Variants in UGT1A9 observed in about 807,000 individuals in gnomAD.
UGT1A9 encodes UDP-glucuronosyltransferase 1A9.
In UGT1A9, 35 loss-of-function variants were observed where a neutral mutation model predicts 45.0. The observed-to-expected ratio is 0.78, with a 90% CI of 0.59 to 1.03. The LOEUF (loss-of-function observed/expected upper bound fraction) is 1.03. Among genes scored for constraint, UGT1A9 ranks in the 50% least tolerant of loss-of-function variants. The pLI is 0.00. For synonymous variants in UGT1A9, 278 were observed against 250.6 expected, an observed-to-expected ratio of 1.11 and a Z score of -1.03; for missense variants, 687 against 666.6, an observed-to-expected ratio of 1.03 and a Z score of -0.34.
chr2:233,682,806 C>T (rs2074601597), intron 1 of UGT1A9: 10 of 1,594,636 alleles, frequency 6.3e-6, no homozygotes, highest in Non-Finnish European at 8.6e-6. Flanking sequence ...AGTTATCTCC[C>T]CTTTAGCACA....
chr2:233,765,063 G>A (rs1333981989), intron 1 of UGT1A9, among the ~76,000 whole-genome samples: 3 of 152,054 alleles, frequency 2.0e-5, no homozygotes, highest in Non-Finnish European at 4.4e-5. Flanking sequence ...CCCTGTCAGA[G>A]GTCTCCTGTG....
chr2:233,754,001 T>G (rs1457314312), intron 1 of UGT1A9, among the ~76,000 whole-genome samples: 1 of 152,230 alleles, frequency 6.6e-6, no homozygotes, highest in Non-Finnish European at 1.5e-5. Context: ...GTTTGGGTAA[T>G]TTGTTACAGC....
At chr2:233,713,441 A>G in intron 1 of UGT1A9, 1 of 1,614,120 alleles carries the variant, frequency 6.2e-7, no homozygotes, top group Non-Finnish European at 8.5e-7. Flanking sequence ...ATGTGGTTCT[A>G]ACAGACCCCT....
intron 1 of UGT1A9, among the ~76,000 whole-genome samples, chr2:233,717,585 G>A (rs1198463102): frequency 2.6e-5 from 4 of 152,254 alleles, no homozygotes; most frequent in Admixed American, 6.5e-5. Context: ...AGACACAGAG[G>A]TAGTGAGATG....
intron 1 of UGT1A9, chr2:233,743,973 G>C (rs1575662575): frequency 7.6e-7 from 1 of 1,312,160 alleles, no homozygotes; most frequent in East Asian, 4.7e-5. Flanking sequence ...AAGGCTGCCA[G>C]CACCCAGGCG....
At chr2:233,737,834 G>C (rs1690605119) in intron 1 of UGT1A9, among the ~76,000 whole-genome samples, 1 of 151,982 alleles carries the variant, frequency 6.6e-6, no homozygotes, top group Admixed American at 6.5e-5. Context: ...ATTGGGAACT[G>C]TGGCACAGGT....
At position 233,672,271 on chromosome 2, in the gene UGT1A9, T is replaced by C. The variant is rs370692027; in HGVS notation, c.337T>C (p.Tyr113His). The C allele has an allele frequency of 5.0e-5, 80 of 1,613,996 alleles. 1 individual carries two copies. The highest frequency in any genetic ancestry group is 6.4e-5 in the Non-Finnish European group (76 of 1,179,994). The change falls in exon 1 of 5, where the codon TAC becomes CAC. Residue 113 changes from tyrosine to histidine, a missense_variant. Transcript: ENST00000354728. ...RSIYSLLMGS[Y>H]NDIFDLFFSN... ...TATATATTCTCTATTAATGGGTTCA[T>C]ACAATGACATTTTTGACTTATTTTT...
chr2:233,690,599 A>G, intron 1 of UGT1A9: 1 of 1,289,594 alleles, frequency 7.8e-7, no homozygotes. Flanking sequence ...AAAAAAAAAA[A>G]ATCGGCCTTT....
At chr2:233,761,114 G>A (rs570314042) in intron 1 of UGT1A9, 1 of 1,614,204 alleles carries the variant, frequency 6.2e-7, no homozygotes, top group South Asian at 1.1e-5. Context: ...GTTTTTGTTG[G>A]TGGAATCAAC....
At chr2:233,690,390 C>T in intron 1 of UGT1A9, 3 of 1,083,924 alleles carry the variant, frequency 2.8e-6, no homozygotes, top group Non-Finnish European at 3.7e-6. Flanking sequence ...CGTTTCCAGA[C>T]CTTCCTATTC....
At chr2:233,718,115 A>C (rs571741074) in intron 1 of UGT1A9, 31 of 307,724 alleles carry the variant, frequency 1.0e-4, no homozygotes, top group Middle Eastern at 2.3e-3. Flanking sequence ...AGCACCTCTT[A>C]TTCCATGGTG....
At chr2:233,749,493 CT>C (rs951030576) in intron 1 of UGT1A9, among the ~76,000 whole-genome samples, 1 of 151,760 alleles carries the variant, frequency 6.6e-6, no homozygotes, top group Non-Finnish European at 1.5e-5. Context: ...TGCTATGCCC[CT>C]TAGAGAATTA....
At position 233,744,967 on chromosome 2, in the gene UGT1A9, CTTT is replaced by C. The variant is rs1270032038; in HGVS notation, c.856-22066_856-22064del. On this transcript the variant is annotated intron_variant, in intron 1 of 4. Transcript: ENST00000354728. ...TTGTATATAACCTACCAATATCCTTCTTTAAGCCTCTAGTCATCTCTTGATTAC... is the reference window on the plus strand; with the variant it reads ...TTGTATATAACCTACCAATATCCTTCAAGCCTCTAGTCATCTCTTGATTAC... Among the ~76,000 whole-genome samples the C allele has an allele frequency of 3.3e-5, 5 of 151,902 alleles. No individual in the cohort carries two copies. In the East Asian group the frequency reaches 9.6e-4, roughly 29 times the overall value.
intron 1 of UGT1A9, among the ~76,000 whole-genome samples, chr2:233,681,000 G>A (rs959900572): frequency 1.3e-5 from 2 of 151,994 alleles, no homozygotes; most frequent in African/African-American, 4.8e-5. Flanking sequence ...TCTCATTACA[G>A]CATTTCAGAG....
rs141814082 is a variant in UGT1A9, at chr2:233,729,618, C to T, written c.856-37416C>T. ...TCTGCGCGGCAGTGCTGGCTAAGTACCTGTCGATTCCTACTGTGTTTTTTT... is the reference window on the plus strand; with the variant it reads ...TCTGCGCGGCAGTGCTGGCTAAGTATCTGTCGATTCCTACTGTGTTTTTTT... On this transcript the variant is annotated intron_variant, in intron 1 of 4. Transcript: ENST00000354728. The T allele has an allele frequency of 3.1e-6, 5 of 1,613,838 alleles. No homozygotes were observed. The South Asian group carries it at 4.4e-5, about 14-fold the overall frequency.
intron 1 of UGT1A9, chr2:233,743,924 G>A: frequency 1.5e-6 from 2 of 1,361,192 alleles, no homozygotes; most frequent in East Asian, 4.6e-5. Flanking sequence ...CATGCTGGAT[G>A]GCCAGAACGG....
chr2:233,678,379 G>A (rs1408396387), intron 1 of UGT1A9, among the ~76,000 whole-genome samples: 4 of 152,118 alleles, frequency 2.6e-5, no homozygotes, highest in East Asian at 1.9e-4. Context: ...CCATTGAGTG[G>A]GCTGTGGAGG....
intron 1 of UGT1A9, among the ~76,000 whole-genome samples, chr2:233,692,535 A>C (rs1469514981): frequency 6.6e-6 from 1 of 152,282 alleles, no homozygotes; most frequent in African/African-American, 2.4e-5. Context: ...CTCAGAATTC[A>C]GTTCAGAATG....
intron 1 of UGT1A9, chr2:233,693,021 G>C: frequency 6.2e-7 from 1 of 1,614,090 alleles, no homozygotes; most frequent in South Asian, 1.1e-5. Flanking sequence ...TGCCTCCTTC[G>C]CTCATTTCAG....
Sources: allele counts gnomAD v4.1 joint callset (sites outside exome capture counted in the v4.1 genomes callset), GRCh38; gene constraint gnomAD v4.1.1; transcripts MANE v1.5; gene names NCBI Gene and HGNC (gene_info 2026-07-23, HGNC 2026-07-21).